RFC3: variants seen among roughly 807,000 people sequenced by gnomAD.
RFC3 encodes replication factor C subunit 3.
Under a neutral mutation model 45.1 loss-of-function variants are expected in RFC3, and 41 were observed. The ratio of observed to expected loss-of-function variants is 0.91; its 90% CI spans 0.71 to 1.18. RFC3 has a LOEUF of 1.18. RFC3 is among the 50% of genes most tolerant of loss of function. RFC3 has a pLI of 0.00. For synonymous variants in RFC3, 149 were observed against 144.0 expected (o/e 1.03, Z -0.25); for missense variants, 423 against 428.1 (o/e 0.99, Z 0.10).
At chr13:33,865,258 T>C (rs930288454) in intron 8 of RFC3, among the ~76,000 whole-genome samples, 1 of 152,180 alleles carries the variant, frequency 6.6e-6, no homozygotes, top group Non-Finnish European at 1.5e-5. Flanking sequence ...AATATTTCTA[T>C]AATGATTGTG....
At chr13:33,832,192 G>A (rs917166354) in intron 7 of RFC3, among the ~76,000 whole-genome samples, 2 of 152,164 alleles carry the variant, frequency 1.3e-5, no homozygotes, top group Non-Finnish European at 2.9e-5. Context: ...AGAGTATGAA[G>A]AAGGTTCCTC....
At chr13:33,962,636 A>T (rs1393373275) in intron 8 of RFC3, among the ~76,000 whole-genome samples, 1 of 152,220 alleles carries the variant, frequency 6.6e-6, no homozygotes, top group Non-Finnish European at 1.5e-5. Context: ...ACAAAATACT[A>T]TCCAACCATC....
intron 8 of RFC3, among the ~76,000 whole-genome samples, chr13:33,862,163 G>A (rs1389528351): frequency 6.6e-6 from 1 of 151,972 alleles, no homozygotes; most frequent in Admixed American, 6.5e-5. Flanking sequence ...AAGTCGCTCA[G>A]GTCTCTAGCC....
At chr13:33,855,625 C>T (rs2082304129) in intron 8 of RFC3, among the ~76,000 whole-genome samples, 1 of 152,174 alleles carries the variant, frequency 6.6e-6, no homozygotes, top group Admixed American at 6.5e-5. Context: ...TCTCTGCAAC[C>T]TTGCCAGCAC....
At chr13:33,923,016 A>T (rs1410008228) in intron 8 of RFC3, among the ~76,000 whole-genome samples, 1 of 152,072 alleles carries the variant, frequency 6.6e-6, no homozygotes, top group Admixed American at 6.6e-5. Context: ...GATAAAAGGG[A>T]CCATTTATTA....
intron 7 of RFC3, among the ~76,000 whole-genome samples, chr13:33,833,152 C>G (rs2082119551): frequency 6.6e-6 from 1 of 152,148 alleles, no homozygotes; most frequent in South Asian, 2.1e-4. Context: ...TTTCTGATCA[C>G]TGGGCTACAC....
At chr13:33,899,887 A>G (rs2137664378) in intron 8 of RFC3, among the ~76,000 whole-genome samples, 1 of 152,094 alleles carries the variant, frequency 6.6e-6, no homozygotes, top group South Asian at 2.1e-4. Context: ...TGCCAATGGC[A>G]AACAATCTGA....
chr13:33,858,964 A>G (rs148197729), intron 8 of RFC3, among the ~76,000 whole-genome samples: 10 of 152,222 alleles, frequency 6.6e-5, no homozygotes, highest in African/African-American at 2.2e-4. Context: ...CACATCCTCA[A>G]ATGCTGAATG....
At chr13:33,910,610 C>G (rs893676407) in intron 8 of RFC3, among the ~76,000 whole-genome samples, 1 of 151,972 alleles carries the variant, frequency 6.6e-6, no homozygotes, top group African/African-American at 2.4e-5. Context: ...AGCTACCTGG[C>G]AAGGAGTCTA....
chr13:33,916,610 G>T (rs991407134), intron 8 of RFC3, among the ~76,000 whole-genome samples: 1 of 152,084 alleles, frequency 6.6e-6, no homozygotes, highest in African/African-American at 2.4e-5. Flanking sequence ...ACTGACCAAG[G>T]CCACTCACAG....
chr13:33,936,225 A>T (rs960631329), intron 8 of RFC3, among the ~76,000 whole-genome samples: 3 of 152,076 alleles, frequency 2.0e-5, no homozygotes, highest in African/African-American at 7.2e-5. Flanking sequence ...ATAACAGGTA[A>T]CCCAGGTGGC....
chr13:33,945,415 A>G (rs1173923248), intron 8 of RFC3, among the ~76,000 whole-genome samples: 1 of 152,180 alleles, frequency 6.6e-6, no homozygotes, highest in Admixed American at 6.5e-5. Flanking sequence ...TATAGAAAAA[A>G]ACACAATAGT....
At chr13:33,822,756 C>T (rs186118792) in intron 2 of RFC3, among the ~76,000 whole-genome samples, 9 of 152,092 alleles carry the variant, frequency 5.9e-5, no homozygotes, top group South Asian at 4.1e-4. Flanking sequence ...TAAATATCTT[C>T]GATTAAAATT....
intron 4 of RFC3, among the ~76,000 whole-genome samples, chr13:33,827,722 CT>C (rs1715088086): frequency 6.6e-6 from 1 of 152,162 alleles, no homozygotes; most frequent in South Asian, 2.1e-4. Flanking sequence ...AATAATTTGT[CT>C]CTTTCATATC....
intron 1 of RFC3, among the ~76,000 whole-genome samples, chr13:33,818,594 C>T (rs979356447): frequency 6.6e-6 from 1 of 152,220 alleles, no homozygotes; most frequent in East Asian, 1.9e-4. Context: ...GTTCTAAGAA[C>T]CTCAGGAGGC....
At chr13:33,938,208 A>AAAAAAAAAAAAAAAAAAAAT (rs2082900461) in intron 8 of RFC3, among the ~76,000 whole-genome samples, 1 of 147,070 alleles carries the variant, frequency 6.8e-6, no homozygotes, top group African/African-American at 2.5e-5. Flanking sequence ...AAAAAAAAAA[A>AAAAAAAAAAAAAAAAAAAAT]GTAAGAGTTG....
At chr13:33,903,001 C>T (rs1043835273) in intron 8 of RFC3, among the ~76,000 whole-genome samples, 1 of 152,086 alleles carries the variant, frequency 6.6e-6, no homozygotes, top group Non-Finnish European at 1.5e-5. Context: ...CCATCCTGGG[C>T]CGCATGTGGC....
chr13:33,867,347 C>T (rs1430067547), intron 8 of RFC3, among the ~76,000 whole-genome samples: 1 of 152,132 alleles, frequency 6.6e-6, no homozygotes, highest in Non-Finnish European at 1.5e-5. Flanking sequence ...AAGTAATGAC[C>T]CACCTATAAA....
At chr13:33,910,984 A>G (rs899934854) in intron 8 of RFC3, among the ~76,000 whole-genome samples, 5 of 152,012 alleles carry the variant, frequency 3.3e-5, no homozygotes, top group East Asian at 1.9e-4. Flanking sequence ...CCATGATCCA[A>G]TCACCTCTCA....
Sources: gnomAD v4.1 joint callset for allele counts (sites outside exome capture counted in the v4.1 genomes callset) on GRCh38, gnomAD v4.1.1 for gene constraint, MANE v1.5 for transcripts, NCBI Gene and HGNC (gene_info 2026-07-23, HGNC 2026-07-21) for gene names.